The following TNRC6B variants were observed in gnomAD, a reference collection of about 807,000 sequenced individuals.
TNRC6B encodes trinucleotide repeat containing adaptor 6B.
In TNRC6B, 52 loss-of-function variants were observed where a neutral mutation model predicts 203.6. That is an observed-to-expected ratio of 0.26 (90% CI 0.20 to 0.32). The LOEUF (loss-of-function observed/expected upper bound fraction) is 0.32, where lower values mean the gene tolerates loss of function less well. Among genes scored for constraint, TNRC6B ranks in the 10% least tolerant of loss-of-function variants. The probability of loss-of-function intolerance (pLI) is 1.00; values close to 1 mark genes in which losing one functional copy is unlikely to be tolerated. For synonymous variants in TNRC6B, 838 were observed against 845.7 expected (o/e 0.99, Z 0.16); for missense variants, 1,923 against 2,286.2 (o/e 0.84, Z 3.24).
intron 1 of TNRC6B, among the ~76,000 whole-genome samples, chr22:40,220,371 T>G (rs991905749): frequency 1.3e-5 from 2 of 152,172 alleles, no homozygotes. Flanking sequence ...TTCCATTCCC[T>G]TTGAGGGAGG....
At position 40,068,671 on chromosome 22, in the gene TNRC6B, G is replaced by A. The variant is rs999663411; in HGVS notation, c.-121+23673G>A. ...TTGTTTAGTATCTTAGTAACTTTTC[G>A]TTGTCTTGTTTTCTTTTCATTTTCT... On this transcript the variant is annotated intron_variant, in intron 1 of 23. Transcript: ENST00000301923. Among the ~76,000 whole-genome samples, 20 of 152,050 alleles carry A rather than the reference G, an allele frequency of 1.3e-4. 1 individual carries two copies. The highest frequency in any genetic ancestry group is 4.8e-4 in the African/African-American group (20 of 41,452).
At chr22:40,251,067 G>C (rs1385102932) in intron 2 of TNRC6B, 112 bp from the exon 3 acceptor site, 1 of 780,988 alleles carries the variant, frequency 1.3e-6, no homozygotes. Context: ...TTTCAGCTAT[G>C]CCTGTGTGCC....
chr22:40,219,040 C>T (rs1197821157), intron 1 of TNRC6B, among the ~76,000 whole-genome samples: 1 of 152,248 alleles, frequency 6.6e-6, no homozygotes, highest in Non-Finnish European at 1.5e-5. Context: ...TGACATCATA[C>T]ACACAAGCAC....
At chr22:40,206,760 T>C (rs924799534) in intron 1 of TNRC6B, among the ~76,000 whole-genome samples, 1 of 152,088 alleles carries the variant, frequency 6.6e-6, no homozygotes, top group African/African-American at 2.4e-5. Flanking sequence ...CACGCGTACA[T>C]GGAATCTTGC....
At chr22:40,145,797 A>C (rs773277760) in intron 3 of TNRC6B, among the ~76,000 whole-genome samples, 6 of 152,034 alleles carry the variant, frequency 3.9e-5, no homozygotes, top group Non-Finnish European at 8.8e-5. Flanking sequence ...AGCCAAGATC[A>C]CATCACTATG....
chr22:40,270,004 C>T, intron 5 of TNRC6B, 118 bp from the exon 6 acceptor site: 1 of 990,086 alleles, frequency 1.0e-6, no homozygotes. Flanking sequence ...AAAGTTGAAT[C>T]TATTTACATT....
intron 1 of TNRC6B, among the ~76,000 whole-genome samples, chr22:40,201,443 GT>G (rs1011629283): frequency 8.2e-5 from 12 of 145,920 alleles, no homozygotes; most frequent in East Asian, 6.0e-4. Flanking sequence ...TTTCTTTTTT[GT>G]TTTTTTTTTG....
intron 1 of TNRC6B, chr22:40,106,228 C>A (rs1204434038): frequency 5.9e-6 from 2 of 341,042 alleles, no homozygotes; most frequent in Non-Finnish European, 5.2e-6. Flanking sequence ...TTCATTTTCT[C>A]GAGGTTGTCT....
Position 40,280,166 on chromosome 22 carries a change from GATA to G in TNRC6B, c.3411+29_3411+31del, listed in dbSNP as rs1379025070. 2.5e-6 allele frequency: 4 copies of G among 1,603,640 alleles called. 1 individual carries two copies. In the South Asian group the frequency reaches 3.3e-5, roughly 13 times the overall value. On this transcript the variant is annotated intron_variant, in intron 10 of 22. Transcript: ENST00000454349. ...AAGGTGAGTTGAATCCTTTGTTTAA[GATA>G]ATAATTCATGAGAACCGCTTTGGTT...
chr22:40,195,073 G>T (rs2069319564), intron 1 of TNRC6B, among the ~76,000 whole-genome samples: 2 of 152,198 alleles, frequency 1.3e-5, no homozygotes, highest in African/African-American at 4.8e-5. Context: ...TTATCCTTCT[G>T]TGTGAAGAAG....
chr22:40,179,971 T>C (rs917668640), intron 1 of TNRC6B, among the ~76,000 whole-genome samples: 3 of 152,228 alleles, frequency 2.0e-5, no homozygotes, highest in Non-Finnish European at 4.4e-5. Flanking sequence ...GTAATGGTAA[T>C]AAATACAGAA....
intron 3 of TNRC6B, among the ~76,000 whole-genome samples, chr22:40,127,095 C>G (rs1370356533): frequency 6.6e-6 from 1 of 151,156 alleles, no homozygotes; most frequent in Non-Finnish European, 1.5e-5. Context: ...TTGTCTATAT[C>G]TGGCTCCATG....
At chr22:40,309,068 G>A (rs1474039519) in intron 16 of TNRC6B, among the ~76,000 whole-genome samples, 1 of 152,228 alleles carries the variant, frequency 6.6e-6, no homozygotes, top group Non-Finnish European at 1.5e-5. Flanking sequence ...AGGACTAATA[G>A]ATCATAATAC....
Position 40,266,096 on chromosome 22 carries a change from C to A in TNRC6B, c.1866C>A (p.Gly622=), listed in dbSNP as rs552773989. The part of the protein sequence containing the change: ...DLDPRVLSNT[G]WGQTQIKQDT... ...ACCCCAGGGTGCTCTCAAACACTGGCTGGGGCCAAACTCAAATTAAGCAGG... is the reference window on the plus strand; with the variant it reads ...ACCCCAGGGTGCTCTCAAACACTGGATGGGGCCAAACTCAAATTAAGCAGG... Residue 622 remains glycine (G), a synonymous_variant, in exon 5 of 23, where the codon GGC becomes GGA. Coordinates refer to ENST00000454349, the MANE Select transcript of TNRC6B (RefSeq NM_001162501.2). The A allele has an allele frequency of 1.2e-6, 2 of 1,613,874 alleles. No individual in the cohort carries two copies. Among genetic ancestry groups the A allele is most frequent in the South Asian group, 2.2e-5 (2 of 91,086 alleles).
intron 1 of TNRC6B, among the ~76,000 whole-genome samples, chr22:40,237,070 CAGG>C (rs572611141): frequency 1.5e-3 from 227 of 152,288 alleles, no homozygotes; most frequent in African/African-American, 4.2e-3. Context: ...GAGGCTGAGA[CAGG>C]AGAATCACTT....
chr22:40,089,134 C>T (rs927073763), intron 1 of TNRC6B, among the ~76,000 whole-genome samples: 1 of 152,170 alleles, frequency 6.6e-6, no homozygotes, highest in African/African-American at 2.4e-5. Context: ...ATAATTTCCA[C>T]TGTTTTGAGA....
intron 22 of TNRC6B, 47 bp downstream of exon 22, chr22:40,321,276 G>GCACC (rs765160868): frequency 4.4e-6 from 7 of 1,597,696 alleles, no homozygotes; most frequent in Non-Finnish European, 6.0e-6. Context: ...GCATGAAGAT[G>GCACC]CACCCGTGAG....
chr22:40,088,602 G>GTGTGTT (rs1341421835), intron 1 of TNRC6B, among the ~76,000 whole-genome samples: 2 of 148,340 alleles, frequency 1.3e-5, no homozygotes, highest in Non-Finnish European at 3.0e-5. Flanking sequence ...GTGTGTGTGT[G>GTGTGTT]TGTGTGTGTG....
At chr22:40,232,553 C>G (rs1015043983) in intron 1 of TNRC6B, among the ~76,000 whole-genome samples, 1 of 152,182 alleles carries the variant, frequency 6.6e-6, no homozygotes, top group African/African-American at 2.4e-5. Flanking sequence ...AGCCACATCT[C>G]TCCTTGTTCG....
Sources: allele counts gnomAD v4.1 joint callset (sites outside exome capture counted in the v4.1 genomes callset), GRCh38; gene constraint gnomAD v4.1.1; transcripts MANE v1.5; gene names NCBI Gene and HGNC (gene_info 2026-07-23, HGNC 2026-07-21).